The following ARB2A variants were observed in gnomAD, a reference collection of about 807,000 sequenced individuals.
ARB2A encodes the protein cotranscriptional regulator ARB2A.
the ARB2A span, among the ~76,000 whole-genome samples, chr5:93,878,013 T>C: frequency 7.3e-5 from 11 of 149,942 alleles, no homozygotes; most frequent in African/African-American, 2.7e-4. Context: ...AAATAGGATA[T>C]TCTACTTTTA....
the ARB2A span, among the ~76,000 whole-genome samples, chr5:93,975,804 G>T: frequency 1.3e-5 from 2 of 151,824 alleles, no homozygotes; most frequent in South Asian, 4.2e-4. Flanking sequence ...ACCAAAAAAA[G>T]CCCTGGAACA....
At chr5:94,077,384 A>G in the ARB2A span, among the ~76,000 whole-genome samples, 3 of 152,152 alleles carry the variant, frequency 2.0e-5, no homozygotes, top group Non-Finnish European at 4.4e-5. Context: ...AAAAAAAAAA[A>G]AAAATTAATT....
the ARB2A span, among the ~76,000 whole-genome samples, chr5:93,947,206 C>T: frequency 5.6e-4 from 85 of 152,262 alleles, no homozygotes; most frequent in African/African-American, 1.9e-3. Context: ...CAGTATTACG[C>T]TTGCTTCTGC....
At chr5:93,707,459 A>T in the ARB2A span, among the ~76,000 whole-genome samples, 12 of 152,126 alleles carry the variant, frequency 7.9e-5, no homozygotes, top group Admixed American at 7.9e-4. Context: ...TTTTAAATTA[A>T]AAAATTCATT....
chr5:93,767,221 G>T, the ARB2A span, among the ~76,000 whole-genome samples: 1 of 152,046 alleles, frequency 6.6e-6, no homozygotes, highest in Non-Finnish European at 1.5e-5. Flanking sequence ...AGGGGGCTAA[G>T]GATATGAATA....
the ARB2A span, among the ~76,000 whole-genome samples, chr5:93,711,214 T>G: frequency 6.6e-6 from 1 of 151,384 alleles, no homozygotes; most frequent in African/African-American, 2.4e-5. Flanking sequence ...TGTTTTTTTT[T>G]TTTTGGTCAC....
the ARB2A span, chr5:93,740,829 C>A: frequency 2.9e-5 from 46 of 1,613,736 alleles, no homozygotes; most frequent in East Asian, 9.6e-4. Flanking sequence ...GCTGGAGGCA[C>A]CCAGCAATGT....
the ARB2A span, among the ~76,000 whole-genome samples, chr5:93,954,382 CT>C: frequency 1.2e-4 from 18 of 152,100 alleles, 1 homozygote; most frequent in East Asian, 3.5e-3. Context: ...CAGCGAGTTC[CT>C]CCTAGCCCAG....
the ARB2A span, among the ~76,000 whole-genome samples, chr5:93,947,832 C>A: frequency 6.6e-6 from 1 of 151,630 alleles, no homozygotes; most frequent in Admixed American, 6.6e-5. Context: ...CACGTCCCTA[C>A]AAAGGACATG....
the ARB2A span, among the ~76,000 whole-genome samples, chr5:93,984,645 T>C: frequency 6.6e-6 from 1 of 152,186 alleles, no homozygotes; most frequent in Non-Finnish European, 1.5e-5. Flanking sequence ...TGCCAATGAA[T>C]TCTGTGCCCT....
At chr5:93,620,738 T>C in the ARB2A span, 7 of 387,566 alleles carry the variant, frequency 1.8e-5, no homozygotes, top group Non-Finnish European at 2.7e-5. Flanking sequence ...TCAGCCTTAA[T>C]GTGAGCGCTG....
At chr5:93,790,856 G>C in the ARB2A span, among the ~76,000 whole-genome samples, 1 of 152,142 alleles carries the variant, frequency 6.6e-6, no homozygotes, top group Non-Finnish European at 1.5e-5. Context: ...AATTAGACGT[G>C]CTTAGATTTT....
the ARB2A span, among the ~76,000 whole-genome samples, chr5:94,109,949 A>G: frequency 7.6e-6 from 1 of 131,300 alleles, no homozygotes; most frequent in Non-Finnish European, 1.5e-5. Context: ...CAGTGGCATG[A>G]TGTCGGCTCA....
the ARB2A span, among the ~76,000 whole-genome samples, chr5:93,635,455 G>A: frequency 4.9e-5 from 7 of 141,456 alleles, no homozygotes; most frequent in Admixed American, 6.9e-5. Flanking sequence ...CAGTTTATAC[G>A]AAAGTTTTTT....
the ARB2A span, among the ~76,000 whole-genome samples, chr5:93,666,679 T>C: frequency 6.6e-6 from 1 of 152,184 alleles, no homozygotes; most frequent in African/African-American, 2.4e-5. Flanking sequence ...TTAATTTGTA[T>C]TCCCCTATTA....
chr5:93,785,175 A>T, the ARB2A span, among the ~76,000 whole-genome samples: 2 of 152,326 alleles, frequency 1.3e-5, no homozygotes, highest in Middle Eastern at 3.4e-3. Context: ...GGAGATACCG[A>T]TGAATTCATC....
chr5:94,027,089 G>C, the ARB2A span, among the ~76,000 whole-genome samples: 1 of 152,200 alleles, frequency 6.6e-6, no homozygotes, highest in East Asian at 1.9e-4. Flanking sequence ...CACAGCATCA[G>C]CTTATTTGCA....
At chr5:93,753,934 A>G in the ARB2A span, among the ~76,000 whole-genome samples, 1 of 152,162 alleles carries the variant, frequency 6.6e-6, no homozygotes, top group African/African-American at 2.4e-5. Context: ...CCTGGTACAA[A>G]GTGGCCAAAG....
the ARB2A span, among the ~76,000 whole-genome samples, chr5:94,079,860 A>G: frequency 7.9e-5 from 12 of 152,230 alleles, no homozygotes; most frequent in African/African-American, 2.9e-4. Context: ...TAAAAGAAAT[A>G]GTATTGCACT....
Sources: gnomAD v4.1 joint callset for allele counts (sites outside exome capture counted in the v4.1 genomes callset) on GRCh38, gnomAD v4.1.1 for gene constraint, MANE v1.5 for transcripts, NCBI Gene and HGNC (gene_info 2026-07-23, HGNC 2026-07-21) for gene names.